The following PPP1R1C variants were observed in gnomAD, a reference collection of about 807,000 sequenced individuals.
PPP1R1C encodes protein phosphatase 1 regulatory subunit 1C.
In PPP1R1C, 15 loss-of-function variants were observed where a neutral mutation model predicts 17.4. The observed-to-expected ratio is 0.86, with a 90% confidence interval of 0.58 to 1.33. The LOEUF is 1.33. Ranked by LOEUF, PPP1R1C falls within the 40% of genes most tolerant of loss-of-function variation. The pLI, the probability that PPP1R1C is intolerant of heterozygous loss-of-function variation, is 0.00. For synonymous variants in PPP1R1C, 35 were observed against 43.1 expected (o/e 0.81, Z 0.73); for missense variants, 143 against 130.0 (o/e 1.10, Z -0.48).
At chr2:182,066,786 A>G in intron 4 of PPP1R1C, among the ~76,000 whole-genome samples, 1 of 152,140 alleles carries the variant, frequency 6.6e-6, no homozygotes, top group East Asian at 1.9e-4. Flanking sequence ...GATGACTAAT[A>G]CCCACGTACA....
intron 2 of PPP1R1C, among the ~76,000 whole-genome samples, chr2:182,041,222 A>T (rs189189652): frequency 2.3e-4 from 35 of 152,218 alleles, no homozygotes; most frequent in African/African-American, 6.7e-4. Flanking sequence ...ATTGCATTGG[A>T]TGTGTTTTAA....
At chr2:182,107,910 T>C (rs188923137) in intron 4 of PPP1R1C, among the ~76,000 whole-genome samples, 2 of 151,996 alleles carry the variant, frequency 1.3e-5, no homozygotes, top group East Asian at 3.9e-4. Flanking sequence ...AGGTGAACGT[T>C]TTGTGCTTTT....
intron 2 of PPP1R1C, among the ~76,000 whole-genome samples, chr2:182,004,173 G>T (rs908409818): frequency 2.6e-5 from 4 of 152,172 alleles, no homozygotes; most frequent in African/African-American, 9.7e-5. Context: ...CACCCTTCCT[G>T]TGTTTAGGGG....
intron 2 of PPP1R1C, among the ~76,000 whole-genome samples, chr2:182,049,971 G>T (rs1248750690): frequency 6.6e-6 from 1 of 152,150 alleles, no homozygotes; most frequent in Non-Finnish European, 1.5e-5. Flanking sequence ...TGGATTTTCT[G>T]TTCTCCTGTA....
intron 2 of PPP1R1C, among the ~76,000 whole-genome samples, chr2:182,012,931 C>T (rs1686129076): frequency 6.6e-6 from 1 of 152,026 alleles, no homozygotes; most frequent in African/African-American, 2.4e-5. Context: ...TACACCCCCA[C>T]CGCTTTTTAA....
intron 2 of PPP1R1C, among the ~76,000 whole-genome samples, chr2:182,044,040 C>A (rs1439126640): frequency 1.3e-5 from 2 of 152,130 alleles, no homozygotes; most frequent in Admixed American, 1.3e-4. Flanking sequence ...CCACCCTCAC[C>A]TATGTCGAGT....
At chr2:181,997,033 T>C (rs1685631502) in intron 2 of PPP1R1C, among the ~76,000 whole-genome samples, 1 of 151,956 alleles carries the variant, frequency 6.6e-6, no homozygotes, top group Non-Finnish European at 1.5e-5. Context: ...ATCGAGACCA[T>C]CCTGGCTAAC....
At chr2:182,059,735 A>G (rs567099756) in intron 2 of PPP1R1C, among the ~76,000 whole-genome samples, 2 of 152,244 alleles carry the variant, frequency 1.3e-5, no homozygotes, top group African/African-American at 2.4e-5. Flanking sequence ...AACAACAACA[A>G]CAACAAAACA....
chr2:182,100,494 G>A lies in PPP1R1C; in HGVS notation c.242-16713G>A, dbSNP rs1574452495. Among the ~76,000 whole-genome samples, 6 of 150,738 alleles carry A rather than the reference G, an allele frequency of 4.0e-5. 1 individual carries two copies. The Admixed American group carries it at 4.0e-4, about 10-fold the overall frequency. ...CACTGCACTCCCCACTAGCAACAGA[G>A]CGAGATTCCATCTCGGAAAAAAAAA... On this transcript the variant is annotated intron_variant, in intron 4 of 4. Coordinates refer to ENST00000682840, the MANE Select transcript of PPP1R1C (RefSeq NM_001080545.3).
At chr2:182,050,669 T>C (rs1245654218) in intron 2 of PPP1R1C, among the ~76,000 whole-genome samples, 1 of 152,218 alleles carries the variant, frequency 6.6e-6, no homozygotes, top group Non-Finnish European at 1.5e-5. Context: ...TTCCAGATCC[T>C]AGCCAAATTA....
At chr2:181,983,683 C>T (rs774718526), upstream of PPP1R1C, among the ~76,000 whole-genome samples, 6 of 152,146 alleles carry the variant, frequency 3.9e-5, no homozygotes, top group Non-Finnish European at 8.8e-5. Flanking sequence ...ATAGTATCTA[C>T]TCAACAAATA....
At chr2:182,070,294 G>A (rs1310813879) in intron 4 of PPP1R1C, among the ~76,000 whole-genome samples, 1 of 152,214 alleles carries the variant, frequency 6.6e-6, no homozygotes, top group Non-Finnish European at 1.5e-5. Context: ...TTAAGATGAT[G>A]CTGTAATGTG....
intron 2 of PPP1R1C, among the ~76,000 whole-genome samples, chr2:181,988,157 A>G (rs1315890757): frequency 6.6e-6 from 1 of 152,242 alleles, no homozygotes; most frequent in African/African-American, 2.4e-5. Flanking sequence ...ACTGGCTGTC[A>G]TATGTTCAGG....
intron 2 of PPP1R1C, among the ~76,000 whole-genome samples, chr2:181,978,492 G>A (rs1685137676): frequency 6.6e-6 from 1 of 152,204 alleles, no homozygotes; most frequent in Non-Finnish European, 1.5e-5. Context: ...TAACTCGCAT[G>A]GCTGACACCT....
intron 1 of PPP1R1C, among the ~76,000 whole-genome samples, chr2:181,972,169 G>C (rs1685021854): frequency 6.6e-6 from 1 of 152,150 alleles, no homozygotes; most frequent in Non-Finnish European, 1.5e-5. Flanking sequence ...TCTCAATCTG[G>C]AGTTCTTTAC....
At chr2:182,104,962 G>A (rs184337373) in intron 4 of PPP1R1C, among the ~76,000 whole-genome samples, 22 of 152,028 alleles carry the variant, frequency 1.4e-4, no homozygotes, top group Middle Eastern at 3.4e-3. Flanking sequence ...TCATGTTTTC[G>A]TGGCATTAGA....
At chr2:182,050,822 C>T (rs1229772320) in intron 2 of PPP1R1C, among the ~76,000 whole-genome samples, 1 of 152,180 alleles carries the variant, frequency 6.6e-6, no homozygotes, top group Non-Finnish European at 1.5e-5. Context: ...GAAGATTTTT[C>T]CACTTCATTT....
chr2:182,011,133 A>G (rs1425548857), intron 2 of PPP1R1C, among the ~76,000 whole-genome samples: 2 of 152,056 alleles, frequency 1.3e-5, no homozygotes, highest in Admixed American at 6.6e-5. Flanking sequence ...TTCTGGCCTC[A>G]TAGGATGAGT....
rs543716871 is a variant in PPP1R1C at position 181,955,671 on chromosome 2, C to T, written n.111+1037C>T. Among the ~76,000 whole-genome samples, 105 of 152,136 alleles carry T rather than the reference C, an allele frequency of 6.9e-4. 2 individuals are homozygous for T. Among genetic ancestry groups the T allele is most frequent in the Non-Finnish European group, 3.8e-4 (26 of 68,012 alleles). On this transcript the variant is annotated intron_variant and non_coding_transcript_variant, in intron 1 of 5. Transcript: ENST00000464264. ...TCAAAACTTGTCCATTCTAAAGTAA[C>T]ATTTGTCTACTAAGCCCTTTTTTGG...
Sources: allele counts gnomAD v4.1 joint callset (sites outside exome capture counted in the v4.1 genomes callset), GRCh38; gene constraint gnomAD v4.1.1; transcripts MANE v1.5; gene names NCBI Gene and HGNC (gene_info 2026-07-23, HGNC 2026-07-21).